Variants in NELL2 observed in about 807,000 individuals in gnomAD.
The protein encoded by NELL2 is protein kinase C-binding protein NELL2.
A neutral mutation model predicts 109.6 loss-of-function variants in NELL2; 41 were observed. The observed-to-expected ratio is 0.37, with a 90% CI of 0.29 to 0.49. The LOEUF (loss-of-function observed/expected upper bound fraction) is 0.49. Among genes scored for constraint, NELL2 ranks in the 20% least tolerant of loss-of-function variants. The pLI is 0.98. For missense variants in NELL2, 900 were observed against 1,008.3 expected (o/e 0.89, Z 1.45); for synonymous variants, 355 against 344.7 (o/e 1.03, Z -0.33).
chr12:44,815,940 A>T lies in NELL2; in HGVS notation c.335+46T>A, dbSNP rs34034808. The T allele has an allele frequency of 1.9e-6, 3 of 1,565,428 alleles. No homozygotes were observed. The East Asian group carries it at 6.8e-5, about 36-fold the overall frequency. On this transcript the variant is annotated intron_variant, in intron 3 of 19. Transcript: ENST00000429094. Reference sequence around the variant, plus strand: ...TTACTTCTCTTTAATATATTCATTTAACCACATATAATGAAAACACAGGAA... The same window carrying T: ...TTACTTCTCTTTAATATATTCATTTTACCACATATAATGAAAACACAGGAA...
intron 12 of NELL2, among the ~76,000 whole-genome samples, chr12:44,680,360 C>T (rs1278831092): frequency 6.6e-6 from 1 of 151,984 alleles, no homozygotes; most frequent in African/African-American, 2.4e-5. Context: ...ATATATGTTC[C>T]ACAATTTAAG....
chr12:44,702,139 A>G (rs1428809832), intron 12 of NELL2, among the ~76,000 whole-genome samples: 1 of 152,102 alleles, frequency 6.6e-6, no homozygotes, highest in Admixed American at 6.6e-5. Context: ...TCCCTGTCCC[A>G]GAGGTTGACC....
At chr12:44,658,206 C>T (rs1947584171) in intron 13 of NELL2, among the ~76,000 whole-genome samples, 1 of 152,166 alleles carries the variant, frequency 6.6e-6, no homozygotes, top group Admixed American at 6.5e-5. Flanking sequence ...ATCATTGTCT[C>T]AGCCCAAAAT....
chr12:44,891,595 A>T (rs189102194), intron 1 of NELL2, among the ~76,000 whole-genome samples: 1 of 151,420 alleles, frequency 6.6e-6, no homozygotes, highest in Non-Finnish European at 1.5e-5. Context: ...TTCTCTTTAA[A>T]TTTTTTCTCT....
At chr12:44,535,129 C>T (rs1942237999) in intron 15 of NELL2, among the ~76,000 whole-genome samples, 4 of 151,912 alleles carry the variant, frequency 2.6e-5, no homozygotes, top group African/African-American at 7.2e-5. Flanking sequence ...GGAATACAAG[C>T]ATGTGCCTGC....
At chr12:44,827,818 G>A (rs2136713383) in intron 2 of NELL2, among the ~76,000 whole-genome samples, 1 of 152,046 alleles carries the variant, frequency 6.6e-6, no homozygotes, top group Admixed American at 6.6e-5. Flanking sequence ...CTTTCTTTTG[G>A]GTATATACCT....
Position 44,580,820 on chromosome 12 carries a change from A to G in NELL2, c.1663+26349T>C, listed in dbSNP as rs115704600. 6.1e-3 allele frequency among the ~76,000 whole-genome samples: 930 copies of G among 152,266 alleles called. 8 individuals are homozygous for G. Among genetic ancestry groups the G allele is most frequent in the African/African-American group, 0.021 (874 of 41,566 alleles). The stretch of plus-strand genomic sequence containing the variant: ...AAAGGAAGCCTCAGGGTATTTTATT[A>G]TTTGTGAGCTGTACATTTCAGCTCA... On this transcript the variant is annotated intron_variant, in intron 15 of 19. Transcript: ENST00000429094.
chr12:44,875,935 T>C lies in NELL2; in HGVS notation c.-66A>G, dbSNP rs756259142. On this transcript the variant is annotated 5_prime_UTR_variant, in exon 1 of 20. Transcript: ENST00000429094. ...TAAAAATAAAAATCGAAGAGGTTCT[T>C]GGAATCAAGCGGGAAAATAACGTTT... The C allele has an allele frequency of 2.1e-5, 34 of 1,608,684 alleles. No individual in the cohort carries two copies. Among genetic ancestry groups the C allele is most frequent in the Non-Finnish European group, 2.7e-5 (32 of 1,179,634 alleles).
At chr12:44,821,319 G>A (rs550588337) in intron 2 of NELL2, among the ~76,000 whole-genome samples, 1 of 152,236 alleles carries the variant, frequency 6.6e-6, no homozygotes, top group Non-Finnish European at 1.5e-5. Flanking sequence ...TTCTGGGCCA[G>A]TATTCTTTCC....
At chr12:44,771,240 ACT>A (rs146503490) in intron 9 of NELL2, among the ~76,000 whole-genome samples, 2 of 152,184 alleles carry the variant, frequency 1.3e-5, no homozygotes, top group East Asian at 1.9e-4. Context: ...GTGAAGGCAA[ACT>A]CTGCTGCCTA....
chr12:44,510,163 C>T (rs1481105235), intron 19 of NELL2, among the ~76,000 whole-genome samples: 5 of 152,154 alleles, frequency 3.3e-5, no homozygotes, highest in African/African-American at 7.2e-5. Flanking sequence ...ATGTTAATAT[C>T]GTTTTTAAAA....
At chr12:44,698,357 T>C (rs1318399839) in intron 12 of NELL2, among the ~76,000 whole-genome samples, 1 of 152,050 alleles carries the variant, frequency 6.6e-6, no homozygotes, top group African/African-American at 2.4e-5. Context: ...AATGGATAAA[T>C]AGCTACATGT....
chr12:44,534,011 G>A (rs1272090495), intron 15 of NELL2, among the ~76,000 whole-genome samples: 3 of 152,066 alleles, frequency 2.0e-5, no homozygotes, highest in Non-Finnish European at 4.4e-5. Flanking sequence ...CCTTCAAGTT[G>A]AAGGTAAGGC....
intron 9 of NELL2, among the ~76,000 whole-genome samples, chr12:44,773,841 C>G (rs1231387676): frequency 6.6e-6 from 1 of 152,058 alleles, no homozygotes; most frequent in East Asian, 1.9e-4. Context: ...TATGAAGCAA[C>G]TTCTTGATTT....
chr12:44,898,094 G>A (rs1179966023), intron 1 of NELL2, among the ~76,000 whole-genome samples: 2 of 152,206 alleles, frequency 1.3e-5, no homozygotes, highest in African/African-American at 4.8e-5. Flanking sequence ...CTGAAAGAAA[G>A]TCAGCAGCTC....
At chr12:44,716,780 A>T (rs1322261280) in intron 9 of NELL2, among the ~76,000 whole-genome samples, 5 of 152,164 alleles carry the variant, frequency 3.3e-5, no homozygotes, top group Non-Finnish European at 1.5e-5. Flanking sequence ...TATGTGGAAG[A>T]AAAACAATGG....
chr12:44,664,918 C>T (rs1182189710), intron 13 of NELL2, among the ~76,000 whole-genome samples: 2 of 151,986 alleles, frequency 1.3e-5, no homozygotes, highest in Non-Finnish European at 2.9e-5. Context: ...TACCCCAAGC[C>T]AGGACCAACT....
At position 44,573,378 on chromosome 12, in the gene NELL2, G is replaced by C. The variant is rs542438240; in HGVS notation, c.1663+33791C>G. ...AAAACAATAGAAGACAATCAAAATCGTAGCACAGAAAGAAAATATCCAGCC... is the reference window on the plus strand; with the variant it reads ...AAAACAATAGAAGACAATCAAAATCCTAGCACAGAAAGAAAATATCCAGCC... On this transcript the variant is annotated intron_variant, in intron 15 of 19. Transcript: ENST00000429094. Among the ~76,000 whole-genome samples, 178 of 152,240 alleles carry C rather than the reference G, an allele frequency of 1.2e-3. 1 individual carries two copies. The highest frequency in any genetic ancestry group is 1.0e-3 in the South Asian group (5 of 4,822).
At chr12:44,917,494 C>T (rs1190574570), upstream of NELL2, among the ~76,000 whole-genome samples, 1 of 152,188 alleles carries the variant, frequency 6.6e-6, no homozygotes, top group Non-Finnish European at 1.5e-5. Context: ...CCTGAGCCTT[C>T]TCTAGGTATA....
Sources: allele counts gnomAD v4.1 joint callset (sites outside exome capture counted in the v4.1 genomes callset), GRCh38; gene constraint gnomAD v4.1.1; transcripts MANE v1.5; gene names NCBI Gene and HGNC (gene_info 2026-07-23, HGNC 2026-07-21).